The following RORB variants were observed in gnomAD, a reference collection of about 807,000 sequenced individuals.
RORB encodes nuclear receptor ROR-beta.
RORB carries 6 observed loss-of-function variants against 59.1 expected under a neutral mutation model. The ratio of observed to expected loss-of-function variants is 0.10; its 90% CI spans 0.06 to 0.20. The LOEUF (loss-of-function observed/expected upper bound fraction) is 0.20. RORB is among the 10% of genes least tolerant of loss of function. The pLI, the probability that RORB is intolerant of heterozygous loss-of-function variation, is 1.00. For synonymous variants in RORB, 215 were observed against 204.5 expected, an observed-to-expected ratio of 1.05 and a Z score of -0.44; for missense variants, 320 against 560.5, an observed-to-expected ratio of 0.57 and a Z score of 4.33.
intron 1 of RORB, among the ~76,000 whole-genome samples, chr9:74,532,826 GTGTATATAT>G (rs1826266101): frequency 6.9e-6 from 1 of 144,996 alleles, no homozygotes; most frequent in African/African-American, 2.5e-5. Context: ...ACATATATAT[GTGTATATAT>G]ATACACATAT....
intron 1 of RORB, among the ~76,000 whole-genome samples, chr9:74,577,295 A>G (rs189933974): frequency 5.8e-4 from 88 of 152,192 alleles, no homozygotes; most frequent in Non-Finnish European, 6.9e-4. Context: ...CCTTTTAAGA[A>G]TGATCTTGGT....
chr9:74,690,163 T>C lies in RORB; in HGVS notation c.*4545T>C, dbSNP rs1824717311. On this transcript the variant is annotated 3_prime_UTR_variant, in exon 10 of 10. Coordinates refer to ENST00000376896, the MANE Select transcript of RORB (RefSeq NM_006914.4). ...CTGCTTTAGACGAAGTGTTATTTGA[T>C]GTTCTGTTTCCAACTGTCAGTATAA... 6.6e-6 allele frequency: 1 copy of C among 152,162 alleles called. No homozygotes were observed. The highest frequency in any genetic ancestry group is 2.4e-5 in the African/African-American group (1 of 41,436). 9.4% of individuals were successfully genotyped at this position (152,162 alleles called of 1,614,324 possible).
At position 74,660,617 on chromosome 9, in the gene RORB, A is replaced by T. The variant is rs1824166336; in HGVS notation, c.638A>T (p.Asp213Val). Reference sequence around the variant, plus strand: ...TTTGAATTGATATCTTTTCTCACAGACCGAATTGCACAGAACATCATTAAG... The same window carrying T: ...TTTGAATTGATATCTTTTCTCACAGTCCGAATTGCACAGAACATCATTAAG... ...LAPGITMTEI[D>V]RIAQNIIKSH... Residue 213 changes from aspartate to valine, a missense_variant and splice_region_variant, in exon 5 of 10, where the codon GAC (aspartate) becomes GTC (valine). Physicochemically the swap from Asp to Val is radical, Grantham distance 152. This residue lies in a region of RORB where 134 missense variants were observed against 156.2 expected (regional missense o/e 0.86). Transcript: ENST00000376896. 1 of 1,604,824 alleles carries T rather than the reference A, an allele frequency of 6.2e-7. No individual in the cohort carries two copies. The highest frequency in any genetic ancestry group is 1.3e-5 in the African/African-American group (1 of 74,498).
At chr9:74,529,591 A>G (rs978594558) in intron 1 of RORB, among the ~76,000 whole-genome samples, 1 of 151,718 alleles carries the variant, frequency 6.6e-6, no homozygotes, top group Admixed American at 6.6e-5. Flanking sequence ...TAAATAGTAA[A>G]TTTATGTTTA....
chr9:74,525,996 G>A (rs1826151628), intron 1 of RORB, among the ~76,000 whole-genome samples: 1 of 151,906 alleles, frequency 6.6e-6, no homozygotes, highest in Non-Finnish European at 1.5e-5. Context: ...AGAAAAAATT[G>A]TTTGTGCCGA....
intron 1 of RORB, among the ~76,000 whole-genome samples, chr9:74,537,338 C>T (rs542162622): frequency 9.9e-5 from 15 of 152,110 alleles, no homozygotes; most frequent in African/African-American, 3.4e-4. Flanking sequence ...AAGACTTTTT[C>T]TGCATATGGC....
At chr9:74,623,311 G>A (rs915782182) in intron 1 of RORB, among the ~76,000 whole-genome samples, 2 of 152,190 alleles carry the variant, frequency 1.3e-5, no homozygotes, top group African/African-American at 4.8e-5. Context: ...GTGGGTGCAG[G>A]TAACAATCAT....
chr9:74,623,148 T>C (rs1293507205), intron 1 of RORB, among the ~76,000 whole-genome samples: 1 of 152,184 alleles, frequency 6.6e-6, no homozygotes, highest in East Asian at 1.9e-4. Context: ...ATTCAATTTT[T>C]AAAATAGAAA....
chr9:74,519,450 C>T (rs1257174545), intron 1 of RORB, among the ~76,000 whole-genome samples: 2 of 151,972 alleles, frequency 1.3e-5, no homozygotes, highest in African/African-American at 4.8e-5. Flanking sequence ...TGGTGCAGAA[C>T]CCTTGAGACC....
chr9:74,591,794 T>A (rs1472568034), intron 1 of RORB, among the ~76,000 whole-genome samples: 2 of 152,188 alleles, frequency 1.3e-5, no homozygotes, highest in Admixed American at 6.5e-5. Context: ...GTTTTATTTA[T>A]TAATGTACAA....
At chr9:74,644,686 A>T (rs1010754698) in intron 4 of RORB, among the ~76,000 whole-genome samples, 7 of 152,220 alleles carry the variant, frequency 4.6e-5, no homozygotes, top group Admixed American at 2.0e-4. Context: ...CATTTATACT[A>T]CTTAATATCT....
intron 5 of RORB, among the ~76,000 whole-genome samples, chr9:74,661,984 C>A (rs1461451900): frequency 6.6e-6 from 1 of 152,026 alleles, no homozygotes; most frequent in Non-Finnish European, 1.5e-5. Context: ...CTCCATAGGT[C>A]TGGGAAAAAG....
intron 1 of RORB, among the ~76,000 whole-genome samples, chr9:74,548,647 C>T (rs995230256): frequency 6.6e-6 from 1 of 152,124 alleles, no homozygotes; most frequent in Non-Finnish European, 1.5e-5. Context: ...TAGAGTGGCT[C>T]GGTGCAGCTA....
chr9:74,664,897 A>T (rs1217112034), intron 6 of RORB, among the ~76,000 whole-genome samples: 1 of 152,212 alleles, frequency 6.6e-6, no homozygotes, highest in African/African-American at 2.4e-5. Context: ...TTTCCTCAGG[A>T]TGTTAATAAT....
At chr9:74,527,591 A>G (rs939498516) in intron 1 of RORB, among the ~76,000 whole-genome samples, 1 of 152,048 alleles carries the variant, frequency 6.6e-6, no homozygotes, top group African/African-American at 2.4e-5. Context: ...ATTACCAAAA[A>G]TGATTTTAGA....
At chr9:74,634,021 C>A (rs1823661609) in intron 2 of RORB, among the ~76,000 whole-genome samples, 1 of 150,972 alleles carries the variant, frequency 6.6e-6, no homozygotes, top group Non-Finnish European at 1.5e-5. Flanking sequence ...TATGATCCTG[C>A]CTGCAAATAG....
intron 1 of RORB, among the ~76,000 whole-genome samples, chr9:74,600,797 C>T (rs1823043212): frequency 6.6e-6 from 1 of 152,100 alleles, no homozygotes; most frequent in African/African-American, 2.4e-5. Context: ...CAGTGAATAT[C>T]TAAAATAATG....
At position 74,692,937 on chromosome 9, in the gene RORB, T is replaced by A. The variant is rs1178678248; in HGVS notation, c.*7319T>A. The A allele has an allele frequency of 6.6e-6, 1 of 152,192 alleles. No individual in the cohort carries two copies. Among genetic ancestry groups the A allele is most frequent in the African/African-American group, 2.4e-5 (1 of 41,462 alleles). 9.4% of individuals were successfully genotyped at this position (152,192 alleles called of 1,614,324 possible). ...TTAGGAAGTAAGTATTGAGTTTTTTTAATCATAAATATACTAGAATAAAAC... is the reference window on the plus strand; with the variant it reads ...TTAGGAAGTAAGTATTGAGTTTTTTAAATCATAAATATACTAGAATAAAAC... On this transcript the variant is annotated 3_prime_UTR_variant, in exon 10 of 10. Transcript: ENST00000376896.
At chr9:74,549,583 AG>A (rs1826566419) in intron 1 of RORB, among the ~76,000 whole-genome samples, 1 of 73,484 alleles carries the variant, frequency 1.4e-5, no homozygotes, top group African/African-American at 4.9e-5. Flanking sequence ...GAAGGAAGGA[AG>A]GAAGGAAGGA....
Sources: gnomAD v4.1 joint callset for allele counts (sites outside exome capture counted in the v4.1 genomes callset) on GRCh38, gnomAD v4.1.1 for gene constraint, gnomAD v4.1.1 regional missense constraint, MANE v1.5 for transcripts, NCBI Gene and HGNC (gene_info 2026-07-23, HGNC 2026-07-21) for gene names.